ZFR: variants seen among roughly 807,000 people sequenced by gnomAD.
ZFR encodes zinc finger RNA-binding protein.
ZFR carries 19 observed loss-of-function variants against 130.7 expected under a neutral mutation model. The observed-to-expected ratio is 0.15, with a 90% CI of 0.10 to 0.21. The LOEUF (loss-of-function observed/expected upper bound fraction) is 0.21. Among genes scored for constraint, ZFR ranks in the 10% least tolerant of loss-of-function variants. The probability of loss-of-function intolerance (pLI) is 1.00; values close to 1 mark genes in which losing one functional copy is unlikely to be tolerated. For missense variants in ZFR, 872 were observed against 1,321.5 expected (o/e 0.66, Z 5.27); for synonymous variants, 466 against 456.9 (o/e 1.02, Z -0.25).
At chr5:32,438,790 T>C (rs562702169) in intron 2 of ZFR, among the ~76,000 whole-genome samples, 1 of 152,278 alleles carries the variant, frequency 6.6e-6, no homozygotes, top group East Asian at 1.9e-4. Flanking sequence ...CCTTATAATA[T>C]TATTACTTAA....
intron 8 of ZFR, 138 bp downstream of exon 8, chr5:32,402,968 G>T: frequency 1.3e-6 from 1 of 763,684 alleles, no homozygotes; most frequent in Non-Finnish European, 2.1e-6. Context: ...CACACACTAG[G>T]CAGATATGTG....
chr5:32,355,727 G>GT lies in ZFR; in HGVS notation c.*32dup, dbSNP rs762791855. The GT allele has an allele frequency of 1.2e-4, 187 of 1,526,560 alleles. No homozygotes were observed. Among genetic ancestry groups the GT allele is most frequent in the Middle Eastern group, 3.5e-4 (2 of 5,682 alleles). The allele number at this position is 1,526,560 out of a possible 1,614,324, so 94.6% of individuals were successfully genotyped here. A position where few individuals can be genotyped will look rare whatever the true frequency, so the allele number is the denominator to read the frequency against. On this transcript the variant is annotated 3_prime_UTR_variant, in exon 20 of 20. Transcript: ENST00000265069. ...AAAAACAGCCAACAAATGGGCATCT[G>GT]TTTTTTTAACACTGAAGATTTACAG...
At chr5:32,388,752 T>C (rs1753095626) in intron 12 of ZFR, 78 bp from the exon 13 acceptor site, 2 of 1,253,716 alleles carry the variant, frequency 1.6e-6, no homozygotes, top group East Asian at 2.5e-5. Flanking sequence ...ACTATACATA[T>C]TTGTTGTATC....
At chr5:32,394,816 T>C (rs537285030) in intron 11 of ZFR, among the ~76,000 whole-genome samples, 2 of 152,336 alleles carry the variant, frequency 1.3e-5, no homozygotes, top group South Asian at 2.1e-4. Context: ...TATTAACATG[T>C]AGAATCTATC....
intron 2 of ZFR, among the ~76,000 whole-genome samples, chr5:32,425,630 A>G (rs571424186): frequency 6.6e-6 from 1 of 152,274 alleles, no homozygotes; most frequent in South Asian, 2.1e-4. Context: ...TAGGTCAAGC[A>G]GTTTTCCCTG....
At chr5:32,437,969 T>C (rs1263298441) in intron 2 of ZFR, among the ~76,000 whole-genome samples, 2 of 152,190 alleles carry the variant, frequency 1.3e-5, no homozygotes, top group East Asian at 1.9e-4. Flanking sequence ...TATCAAGTTA[T>C]ACCAAAAATC....
chr5:32,430,539 GA>G (rs1424737912), intron 2 of ZFR, among the ~76,000 whole-genome samples: 3 of 151,456 alleles, frequency 2.0e-5, no homozygotes, highest in South Asian at 2.1e-4. Context: ...AAAGAATATA[GA>G]AAAAAAATGT....
intron 4 of ZFR, among the ~76,000 whole-genome samples, chr5:32,415,635 T>C (rs953152135): frequency 4.6e-5 from 7 of 152,332 alleles, no homozygotes; most frequent in African/African-American, 1.7e-4. Flanking sequence ...TGTTTAATCA[T>C]ATGAAACTTG....
chr5:32,439,239 T>C (rs1201284204), intron 2 of ZFR, among the ~76,000 whole-genome samples: 5 of 152,218 alleles, frequency 3.3e-5, no homozygotes, highest in Admixed American at 6.5e-5. Flanking sequence ...CAATATTTCT[T>C]TTTCTTGTAA....
At position 32,434,647 on chromosome 5, in the gene ZFR, C is replaced by A. The variant is rs147559974; in HGVS notation, c.137+9582G>T. Reference sequence around the variant, plus strand: ...TTAGTCTTTAACATAGTTGGGAATACGTGATAGAGGAAATAATTCACAGAA... The same window carrying A: ...TTAGTCTTTAACATAGTTGGGAATAAGTGATAGAGGAAATAATTCACAGAA... On this transcript the variant is annotated intron_variant, in intron 2 of 19. Transcript: ENST00000265069. 7.7e-3 allele frequency among the ~76,000 whole-genome samples: 1,179 copies of A among 152,174 alleles called. 15 individuals are homozygous for A. The highest frequency in any genetic ancestry group is 0.027 in the African/African-American group (1,114 of 41,506).
At chr5:32,400,787 G>A (rs534850087) in intron 8 of ZFR, among the ~76,000 whole-genome samples, 63 of 152,326 alleles carry the variant, frequency 4.1e-4, no homozygotes, top group Non-Finnish European at 8.2e-4. Flanking sequence ...CTAAGAGGTA[G>A]AGGCTGCAGT....
At chr5:32,386,138 C>G (rs116621749) in intron 14 of ZFR, among the ~76,000 whole-genome samples, 6 of 151,988 alleles carry the variant, frequency 3.9e-5, no homozygotes, top group Non-Finnish European at 8.8e-5. Flanking sequence ...CCATTTTATA[C>G]GAACAAATGA....
At chr5:32,435,698 G>GCCTTGC (rs1754317202) in intron 2 of ZFR, among the ~76,000 whole-genome samples, 2 of 152,084 alleles carry the variant, frequency 1.3e-5, no homozygotes, top group Non-Finnish European at 2.9e-5. Context: ...TCAAAGACAT[G>GCCTTGC]CCTTGCCCAT....
intron 5 of ZFR, among the ~76,000 whole-genome samples, chr5:32,407,824 T>C (rs142646232): frequency 3.5e-4 from 54 of 152,330 alleles, no homozygotes; most frequent in African/African-American, 1.2e-3. Context: ...GTTTATATAA[T>C]ATATACATGT....
chr5:32,404,247 T>A, intron 6 of ZFR, 150 bp from the exon 7 acceptor site: 1 of 600,306 alleles, frequency 1.7e-6, no homozygotes, highest in East Asian at 2.8e-5. Flanking sequence ...ATTCGTTACA[T>A]ATGTGACATA....
intron 2 of ZFR, among the ~76,000 whole-genome samples, chr5:32,431,141 A>G (rs987167479): frequency 2.6e-5 from 4 of 152,244 alleles, no homozygotes; most frequent in Non-Finnish European, 4.4e-5. Flanking sequence ...TCAAAGATTT[A>G]CTTTAGAAAG....
rs1753859895 is a variant in ZFR at position 32,417,777 on chromosome 5, C to T, written c.436G>A (p.Val146Ile). 6.2e-7 allele frequency: 1 copy of T among 1,613,438 alleles called. No homozygotes were observed. Among genetic ancestry groups the T allele is most frequent in the Admixed American group, 1.7e-5 (1 of 59,948 alleles). Reference sequence around the variant, plus strand: ...GCTACAGCAGGAGCTGTGGACCTTACATATGAGTATGAATCCTAAAGAAAA... The same window carrying T: ...GCTACAGCAGGAGCTGTGGACCTTATATATGAGTATGAATCCTAAAGAAAA... Reference protein sequence around the residue: ...TQNYQDSYSYVRSTAPAVAYD... With the variant: ...TQNYQDSYSYIRSTAPAVAYD... Residue 146 changes from valine (V) to isoleucine (I), a missense_variant, in exon 4 of 20, where the codon GTA (valine) becomes ATA (isoleucine). This residue lies in a region of ZFR where 240 missense variants were observed against 441.2 expected (regional missense o/e 0.54). Coordinates refer to ENST00000265069, the MANE Select transcript of ZFR (RefSeq NM_016107.5).
intron 11 of ZFR, among the ~76,000 whole-genome samples, chr5:32,393,876 T>C (rs962401890): frequency 6.6e-6 from 1 of 152,154 alleles, no homozygotes; most frequent in Non-Finnish European, 1.5e-5. Context: ...TAGGTTCACA[T>C]ACTTGGTGAA....
At position 32,404,056 on chromosome 5, in the gene ZFR, T is replaced by C. The variant is rs527380225; in HGVS notation, c.1074A>G (p.Lys358=). ...TTTGTGAGGCTTTCAATGCAGCTTC[T>C]TTTTTTTTATGTTTCTGTCCTTCTA... is the stretch of plus-strand genomic sequence containing the variant. The part of the protein sequence containing the change: ...EHLEGQKHKK[K]EAALKASQNT... Residue 358 remains lysine, a synonymous_variant, in exon 7 of 20, where the codon AAA becomes AAG. Coordinates refer to ENST00000265069, the MANE Select transcript of ZFR (RefSeq NM_016107.5). 8.8e-6 allele frequency: 14 copies of C among 1,585,504 alleles called. No homozygotes were observed. In the South Asian group the frequency reaches 1.4e-4, roughly 16 times the overall value.
Sources: allele counts gnomAD v4.1 joint callset (sites outside exome capture counted in the v4.1 genomes callset), GRCh38; gene constraint gnomAD v4.1.1; regional missense constraint gnomAD v4.1.1; transcripts MANE v1.5; gene names NCBI Gene and HGNC (gene_info 2026-07-23, HGNC 2026-07-21).